The following UVRAG variants were observed in gnomAD, a reference collection of about 807,000 sequenced individuals.
The protein encoded by UVRAG is UV radiation resistance-associated gene protein.
UVRAG carries 19 observed loss-of-function variants against 78.0 expected under a neutral mutation model. The ratio of observed to expected loss-of-function variants is 0.24; its 90% CI spans 0.17 to 0.36. UVRAG has a LOEUF of 0.36. Ranked by LOEUF, UVRAG falls within the 10% of genes least tolerant of loss-of-function variation. The pLI is 1.00. For synonymous variants in UVRAG, 323 were observed against 324.6 expected (o/e 1.00, Z 0.05); for missense variants, 740 against 853.8 (o/e 0.87, Z 1.66).
At chr11:75,926,231 C>G (rs1438588930) in intron 6 of UVRAG, among the ~76,000 whole-genome samples, 1 of 152,146 alleles carries the variant, frequency 6.6e-6, no homozygotes, top group African/African-American at 2.4e-5. Flanking sequence ...GTCTCTGACT[C>G]TATGACCACA....
chr11:76,040,531 TTTTTG>T (rs1426283393), intron 12 of UVRAG, among the ~76,000 whole-genome samples: 1 of 151,234 alleles, frequency 6.6e-6, no homozygotes, highest in African/African-American at 2.4e-5. Flanking sequence ...GATTTTTGGT[TTTTTG>T]TTTGTTTGTT....
At chr11:76,066,931 T>C (rs1161258375) in intron 13 of UVRAG, among the ~76,000 whole-genome samples, 1 of 152,214 alleles carries the variant, frequency 6.6e-6, no homozygotes, top group Admixed American at 6.5e-5. Context: ...TAATAAGATT[T>C]ACGATGCTTT....
intron 13 of UVRAG, among the ~76,000 whole-genome samples, chr11:76,070,351 G>A (rs1206179107): frequency 6.6e-6 from 1 of 152,138 alleles, no homozygotes; most frequent in Non-Finnish European, 1.5e-5. Context: ...TTTGCAGTTA[G>A]ATAGGCTGCA....
intron 6 of UVRAG, chr11:75,916,884 G>C (rs1033123966): frequency 2.0e-4 from 31 of 152,248 alleles, no homozygotes; most frequent in African/African-American, 7.2e-4. Flanking sequence ...CTTGATATGG[G>C]CTACTTATTT....
At chr11:75,990,790 G>A (rs1949590049) in intron 8 of UVRAG, among the ~76,000 whole-genome samples, 1 of 152,090 alleles carries the variant, frequency 6.6e-6, no homozygotes, top group Non-Finnish European at 1.5e-5. Context: ...TTGATTATTA[G>A]TCTATCTCCT....
chr11:75,998,669 G>C (rs1949752411), intron 8 of UVRAG, among the ~76,000 whole-genome samples: 1 of 152,012 alleles, frequency 6.6e-6, no homozygotes, highest in Non-Finnish European at 1.5e-5. Flanking sequence ...GTAGAGCATG[G>C]GAAGAAGTTG....
chr11:75,881,970 TTC>T (rs1017633585), intron 4 of UVRAG, among the ~76,000 whole-genome samples: 2 of 152,186 alleles, frequency 1.3e-5, no homozygotes, highest in African/African-American at 4.8e-5. Flanking sequence ...TAAAAATTCA[TTC>T]TCTTTGTCCT....
At chr11:75,856,000 A>G (rs1052333301) in intron 2 of UVRAG, among the ~76,000 whole-genome samples, 9 of 151,898 alleles carry the variant, frequency 5.9e-5, no homozygotes, top group African/African-American at 1.9e-4. Context: ...TTTATTTTTT[A>G]TTTTTTTGAG....
chr11:75,891,351 A>C (rs962512503), intron 5 of UVRAG, among the ~76,000 whole-genome samples: 6 of 152,198 alleles, frequency 3.9e-5, no homozygotes, highest in Non-Finnish European at 8.8e-5. Context: ...ATAATATCTC[A>C]TGTACAGGGT....
Position 75,880,001 on chromosome 11 carries a change from G to T in UVRAG, c.393G>T (p.Trp131Cys). 6.2e-7 allele frequency: 1 copy of T among 1,614,162 alleles called. No homozygotes were observed. Among genetic ancestry groups the T allele is most frequent in the East Asian group, 2.2e-5 (1 of 44,882 alleles). ...KENIYQLLIE[W>C]KVCLDGLKYL... ...ACATCTACCAGCTGTTGATTGAATGGAAAGTCTGTTTGGATGGGCTGAAAT... is the reference window on the plus strand; with the variant it reads ...ACATCTACCAGCTGTTGATTGAATGTAAAGTCTGTTTGGATGGGCTGAAAT... The change falls in exon 4 of 15, where the codon TGG (tryptophan) becomes TGT (cysteine). Residue 131 changes from tryptophan to cysteine, a missense_variant. Physicochemically the swap from Trp to Cys is radical, Grantham distance 215. Transcript: ENST00000356136.
intron 5 of UVRAG, among the ~76,000 whole-genome samples, chr11:75,894,999 TATC>T (rs1947310427): frequency 6.6e-6 from 1 of 152,194 alleles, no homozygotes; most frequent in Non-Finnish European, 1.5e-5. Context: ...TATAAATGGA[TATC>T]ATATAGTTTT....
rs12273943 is a variant in UVRAG at position 75,852,246 on chromosome 11, G to C, written c.235+246G>C. Among the ~76,000 whole-genome samples, 959 of 152,136 alleles carry C rather than the reference G, an allele frequency of 6.3e-3. 10 individuals carry two copies. Among genetic ancestry groups the C allele is most frequent in the African/African-American group, 0.022 (917 of 41,496 alleles). On this transcript the variant is annotated intron_variant, in intron 2 of 14. Coordinates refer to ENST00000356136, the MANE Select transcript of UVRAG (RefSeq NM_003369.4). ...TCCTTTATGAATGTTAGCTATTAAT[G>C]GTCTAGCAGCTAGCATTTCAAGTAG...
intron 14 of UVRAG, among the ~76,000 whole-genome samples, chr11:76,139,177 C>T (rs540002884): frequency 6.6e-6 from 1 of 152,196 alleles, no homozygotes; most frequent in Admixed American, 6.5e-5. Context: ...TGTGGTTGCC[C>T]CTTCCCAAGA....
chr11:75,910,497 C>CTT (rs903111573), intron 5 of UVRAG, among the ~76,000 whole-genome samples: 1 of 138,196 alleles, frequency 7.2e-6, no homozygotes, highest in Non-Finnish European at 1.6e-5. Context: ...CCACCCCCCA[C>CTT]TTTTTTTTTT....
At chr11:75,823,547 C>T (rs1428262470) in intron 1 of UVRAG, among the ~76,000 whole-genome samples, 1 of 152,204 alleles carries the variant, frequency 6.6e-6, no homozygotes, top group East Asian at 1.9e-4. Flanking sequence ...ATTGCCCAGG[C>T]TGGTCTCTAC....
chr11:76,039,368 C>G (rs1485826630), intron 12 of UVRAG, among the ~76,000 whole-genome samples: 1 of 152,138 alleles, frequency 6.6e-6, no homozygotes, highest in Admixed American at 6.5e-5. Context: ...CTATAGCAAG[C>G]ATTAGACTTA....
At chr11:75,882,794 C>G (rs1431027489) in intron 4 of UVRAG, among the ~76,000 whole-genome samples, 1 of 152,120 alleles carries the variant, frequency 6.6e-6, no homozygotes, top group Non-Finnish European at 1.5e-5. Context: ...ATGCTTTTAA[C>G]ATATTTTTTT....
chr11:75,958,712 C>T (rs1173162159), intron 6 of UVRAG, among the ~76,000 whole-genome samples: 1 of 152,188 alleles, frequency 6.6e-6, no homozygotes, highest in Non-Finnish European at 1.5e-5. Flanking sequence ...GAATGGCATT[C>T]AGAATGGCGA....
chr11:76,092,741 T>G (rs1327452680), intron 13 of UVRAG, among the ~76,000 whole-genome samples: 1 of 152,238 alleles, frequency 6.6e-6, no homozygotes, highest in Non-Finnish European at 1.5e-5. Flanking sequence ...ATTAGCCCTT[T>G]GTCAGATGAG....
Sources: gnomAD v4.1 joint callset for allele counts (sites outside exome capture counted in the v4.1 genomes callset) on GRCh38, gnomAD v4.1.1 for gene constraint, MANE v1.5 for transcripts, NCBI Gene and HGNC (gene_info 2026-07-23, HGNC 2026-07-21) for gene names.